SGMS2: variants seen among roughly 807,000 people sequenced by gnomAD.
SGMS2 encodes phosphatidylcholine:ceramide cholinephosphotransferase 2.
A neutral mutation model predicts 43.8 loss-of-function variants in SGMS2; 21 were observed. That is an observed-to-expected ratio of 0.48 (90% CI 0.34 to 0.69). The LOEUF is 0.69. SGMS2 is among the 30% of genes least tolerant of loss of function. The probability of loss-of-function intolerance (pLI) is 0.01; values close to 1 mark genes in which losing one functional copy is unlikely to be tolerated. For missense variants in SGMS2, 384 were observed against 443.2 expected (o/e 0.87, Z 1.20); for synonymous variants, 167 against 160.6 (o/e 1.04, Z -0.30).
intron 1 of SGMS2, among the ~76,000 whole-genome samples, chr4:107,833,927 A>C (rs1726031640): frequency 6.6e-6 from 1 of 152,236 alleles, no homozygotes; most frequent in South Asian, 2.1e-4. Context: ...GCCACAAGCC[A>C]AGGAATGCAC....
intron 6 of SGMS2, among the ~76,000 whole-genome samples, chr4:107,909,692 T>C (rs1469207837): frequency 1.3e-5 from 2 of 152,210 alleles, no homozygotes; most frequent in Non-Finnish European, 2.9e-5. Context: ...TCTCCTAGTC[T>C]TGGTATGTGT....
chr4:107,902,082 T>A (rs1731160849), intron 4 of SGMS2, among the ~76,000 whole-genome samples: 1 of 150,264 alleles, frequency 6.7e-6, no homozygotes, highest in African/African-American at 2.5e-5. Context: ...AATTTTGTTT[T>A]TTCCTTTTTT....
intron 2 of SGMS2, among the ~76,000 whole-genome samples, chr4:107,871,617 A>G (rs956298119): frequency 6.6e-6 from 1 of 151,978 alleles, no homozygotes; most frequent in African/African-American, 2.4e-5. Context: ...TGTTTACTTT[A>G]CCTTCTAGGC....
chr4:107,844,654 C>T (rs903984494), intron 1 of SGMS2, among the ~76,000 whole-genome samples: 1 of 152,032 alleles, frequency 6.6e-6, no homozygotes, highest in Non-Finnish European at 1.5e-5. Flanking sequence ...TGCAGTGAGC[C>T]GTGATTGCAC....
In SGMS2 at chr4:107,895,664, T is replaced by A; in HGVS notation, c.111T>A (p.Asn37Lys). 6.2e-7 allele frequency: 1 copy of A among 1,613,864 alleles called. No individual in the cohort carries two copies. The highest frequency in any genetic ancestry group is 8.5e-7 in the Non-Finnish European group (1 of 1,179,912). ...PAEPVEEENKNGNGKPKSLSS... is the reference protein window; with the variant it reads ...PAEPVEEENKKGNGKPKSLSS... ...AACCTGTTGAAGAAGAAAACAAAAATGGCAATGGTAAACCCAAGAGCTTAT... is the reference window on the plus strand; with the variant it reads ...AACCTGTTGAAGAAGAAAACAAAAAAGGCAATGGTAAACCCAAGAGCTTAT... The change falls in exon 3 of 7, where the codon AAT (asparagine) becomes AAA (lysine). Residue 37 changes from asparagine to lysine, a missense_variant. Physicochemically the swap from Asn to Lys is moderately conservative, Grantham distance 94. Transcript: ENST00000690982.
chr4:107,833,825 A>C (rs1261279550), intron 1 of SGMS2, among the ~76,000 whole-genome samples: 1 of 152,146 alleles, frequency 6.6e-6, no homozygotes, highest in Non-Finnish European at 1.5e-5. Context: ...GGACCTTCTG[A>C]GTGGAAAAGG....
intron 1 of SGMS2, among the ~76,000 whole-genome samples, chr4:107,857,181 A>G (rs1727472812): frequency 6.6e-6 from 1 of 152,180 alleles, no homozygotes; most frequent in African/African-American, 2.4e-5. Context: ...TTCGTGCTAC[A>G]GTGTGTATCA....
intron 1 of SGMS2, among the ~76,000 whole-genome samples, chr4:107,836,362 A>G (rs1205420669): frequency 6.6e-6 from 1 of 152,234 alleles, no homozygotes; most frequent in Non-Finnish European, 1.5e-5. Context: ...GGAGTTACTC[A>G]GTGAGTGTCA....
At chr4:107,903,503 G>A (rs1211510332) in intron 5 of SGMS2, 117 bp downstream of exon 5, 4 of 856,174 alleles carry the variant, frequency 4.7e-6, no homozygotes, top group Non-Finnish European at 5.5e-6. Flanking sequence ...AGAGACGGAT[G>A]TGTGTGTATA....
At position 107,895,621 on chromosome 4, in the gene SGMS2, C is replaced by A; in HGVS notation, c.68C>A (p.Thr23Asn). The A allele has an allele frequency of 6.2e-7, 1 of 1,613,974 alleles. No individual in the cohort carries two copies. Among genetic ancestry groups the A allele is most frequent in the African/African-American group, 1.3e-5 (1 of 75,004 alleles). The change falls in exon 3 of 7, where the codon ACT (threonine) becomes AAT (asparagine). Residue 23 changes from threonine (T) to asparagine (N), a missense_variant. Transcript: ENST00000690982. ...LENQPSDPTN[T>N]YARPAEPVEE... is the part of the protein sequence containing the mutation. ...AATCAACCCAGTGATCCTACGAACACTTATGCAAGACCCGCTGAACCTGTT... is the reference window on the plus strand; with the variant it reads ...AATCAACCCAGTGATCCTACGAACAATTATGCAAGACCCGCTGAACCTGTT...
chr4:107,899,555 A>G lies in SGMS2; in HGVS notation c.456-20A>G, dbSNP rs770106198. The G allele has an allele frequency of 6.4e-7, 1 of 1,566,382 alleles. No homozygotes were observed. Among genetic ancestry groups the G allele is most frequent in the Non-Finnish European group, 8.7e-7 (1 of 1,147,024 alleles). On this transcript the variant is annotated intron_variant, in intron 3 of 6. Transcript: ENST00000690982. The stretch of plus-strand genomic sequence containing the variant: ...CCAACCAGTAAACTTGTTTTTCCCC[A>G]TCCCTATTTTTTCTTTTAGGTCAAT...
intron 1 of SGMS2, among the ~76,000 whole-genome samples, chr4:107,834,297 A>T (rs367589075): frequency 2.2e-4 from 34 of 152,322 alleles, no homozygotes; most frequent in African/African-American, 7.7e-4. Flanking sequence ...GGGAGAGTTA[A>T]CTTTTGATAA....
intron 2 of SGMS2, among the ~76,000 whole-genome samples, chr4:107,864,781 C>A (rs998898764): frequency 1.3e-5 from 2 of 152,096 alleles, no homozygotes; most frequent in Non-Finnish European, 1.5e-5. Context: ...TCCTTGAAGT[C>A]ACAATATATA....
chr4:107,839,449 C>G (rs775879343), intron 1 of SGMS2, among the ~76,000 whole-genome samples: 2 of 152,048 alleles, frequency 1.3e-5, no homozygotes, highest in Admixed American at 6.6e-5. Flanking sequence ...TTGCAACACC[C>G]CAATTATGCT....
At chr4:107,845,658 A>G (rs1400174980) in intron 1 of SGMS2, among the ~76,000 whole-genome samples, 1 of 152,202 alleles carries the variant, frequency 6.6e-6, no homozygotes, top group African/African-American at 2.4e-5. Flanking sequence ...TTGGGCTACA[A>G]GTATGTTCTT....
chr4:107,835,105 T>G (rs1726098350), intron 1 of SGMS2, among the ~76,000 whole-genome samples: 1 of 152,108 alleles, frequency 6.6e-6, no homozygotes. Flanking sequence ...CAATCCTATA[T>G]TCAGTTAAAG....
chr4:107,879,382 A>G (rs1020798714), intron 2 of SGMS2, among the ~76,000 whole-genome samples: 2 of 152,104 alleles, frequency 1.3e-5, no homozygotes, highest in African/African-American at 4.8e-5. Context: ...CTTTAAAGGG[A>G]TAAGTGAGCC....
intron 2 of SGMS2, chr4:107,893,178 A>AG (rs542562802): frequency 3.3e-5 from 5 of 152,132 alleles, no homozygotes; most frequent in African/African-American, 7.2e-5. Context: ...GAAAAAAAAA[A>AG]GAAAAAAGGT....
intron 3 of SGMS2, 35 bp downstream of exon 3, chr4:107,896,043 GGTTT>G (rs1267741464): frequency 1.9e-6 from 3 of 1,577,268 alleles, no homozygotes; most frequent in Admixed American, 1.8e-5. Context: ...ATTTGTCATG[GGTTT>G]GTTTTTGAGT....
Sources: gnomAD v4.1 joint callset for allele counts (sites outside exome capture counted in the v4.1 genomes callset) on GRCh38, gnomAD v4.1.1 for gene constraint, MANE v1.5 for transcripts, NCBI Gene and HGNC (gene_info 2026-07-23, HGNC 2026-07-21) for gene names.